CLIP2: variants seen among roughly 807,000 people sequenced by gnomAD.
CLIP2 encodes the protein CAP-Gly domain-containing linker protein 2.
CLIP2 carries 41 observed loss-of-function variants against 111.7 expected under a neutral mutation model. The observed-to-expected ratio is 0.37, with a 90% CI of 0.29 to 0.48. CLIP2 has a LOEUF of 0.48. Among genes scored for constraint, CLIP2 ranks in the 20% least tolerant of loss-of-function variants. CLIP2 has a pLI of 0.99. For missense variants in CLIP2, 1,160 were observed against 1,422.1 expected (o/e 0.82, Z 2.96); for synonymous variants, 660 against 644.2 (o/e 1.02, Z -0.37).
In CLIP2 at chr7:74,387,022, C is replaced by CAAA. The variant is rs35422612; in HGVS notation, c.2563+436_2563+438dup. 7.1e-5 allele frequency among the ~76,000 whole-genome samples: 5 copies of CAAA among 70,052 alleles called. No individual in the cohort carries two copies. The South Asian group carries it at 1.6e-3, about 23-fold the overall frequency. 46.0% of individuals were successfully genotyped at this position (70,052 alleles called of 152,430 possible). ...TGGGTGACAGAGCGAGACTCCATCTCAAAAAAAAAAAAAAAAAAAAGGGCC... is the reference window on the plus strand; with the variant it reads ...TGGGTGACAGAGCGAGACTCCATCTCAAAAAAAAAAAAAAAAAAAAAAAGGGCC... On this transcript the variant is annotated intron_variant, in intron 12 of 16. Transcript: ENST00000223398.
chr7:74,295,836 C>T (rs1554726012), intron 1 of CLIP2, among the ~76,000 whole-genome samples: 1 of 151,882 alleles, frequency 6.6e-6, no homozygotes, highest in East Asian at 1.9e-4. Flanking sequence ...CAGACTTCAT[C>T]TCTACAGAAA....
chr7:74,305,423 C>T (rs1237961431), intron 1 of CLIP2, among the ~76,000 whole-genome samples: 1 of 152,154 alleles, frequency 6.6e-6, no homozygotes, highest in African/African-American at 2.4e-5. Context: ...GAGTTCTCTG[C>T]TGCAGCCCCT....
intron 8 of CLIP2, 39 bp from the exon 9 acceptor site, chr7:74,372,893 G>A: frequency 1.2e-5 from 1 of 81,202 alleles, no homozygotes; most frequent in Non-Finnish European, 2.2e-5. Flanking sequence ...CTGCGTCCCC[G>A]CCCCCACCCC....
rs1323041556 is a variant in CLIP2, at chr7:74,349,471, T to C, written c.679-4409T>C. On this transcript the variant is annotated intron_variant, in intron 3 of 16. Transcript: ENST00000223398. Reference sequence around the variant, plus strand: ...AAGTATGTATGTGTGTGTGTGTGTGTATATATATATATATATATATATATA... The same window carrying C: ...AAGTATGTATGTGTGTGTGTGTGTGCATATATATATATATATATATATATA... 2.1e-3 allele frequency among the ~76,000 whole-genome samples: 80 copies of C among 37,316 alleles called. 4 individuals are homozygous for C. Among genetic ancestry groups the C allele is most frequent in the Non-Finnish European group, 2.4e-3 (50 of 21,228 alleles). The allele number at this position is 37,316 out of a possible 152,430, so 24.5% of individuals were successfully genotyped here. A position where few individuals can be genotyped will look rare whatever the true frequency, so the allele number is the denominator to read the frequency against.
In CLIP2 at chr7:74,400,477, C is replaced by T; in HGVS notation, c.2988C>T (p.Ala996=). 6.2e-7 allele frequency: 1 copy of T among 1,613,988 alleles called. No individual in the cohort carries two copies. The highest frequency in any genetic ancestry group is 1.1e-5 in the South Asian group (1 of 91,062). Residue 996 remains alanine, a synonymous_variant, in exon 15 of 17, where the codon GCC becomes GCT. Coordinates refer to ENST00000223398, the MANE Select transcript of CLIP2 (RefSeq NM_003388.5). The part of the protein sequence containing the change: ...LQHQLMSTED[A]LRDALDQAQQ... The stretch of plus-strand genomic sequence containing the variant: ...ACCAGCTGATGAGCACGGAGGACGC[C>T]CTGCGGGATGCGCTGGACCAGGCTC...
intron 2 of CLIP2, among the ~76,000 whole-genome samples, chr7:74,329,929 G>A (rs996645900): frequency 3.3e-5 from 5 of 151,864 alleles, no homozygotes; most frequent in East Asian, 3.9e-4. Context: ...ACAAGCGCGC[G>A]CCACCACACT....
intron 13 of CLIP2, among the ~76,000 whole-genome samples, chr7:74,396,504 C>G (rs139680807): frequency 2.0e-3 from 304 of 151,976 alleles, no homozygotes; most frequent in African/African-American, 6.8e-3. Flanking sequence ...AATATATTGT[C>G]TTTTCTTTAA....
At chr7:74,294,850 G>T (rs1788125952) in intron 1 of CLIP2, among the ~76,000 whole-genome samples, 1 of 152,204 alleles carries the variant, frequency 6.6e-6, no homozygotes, top group Non-Finnish European at 1.5e-5. Context: ...GGAGCTGTTG[G>T]CTGGGCAACG....
chr7:74,401,792 G>A, intron 16 of CLIP2: 3 of 659,782 alleles, frequency 4.5e-6, no homozygotes, highest in Non-Finnish European at 8.3e-6. Flanking sequence ...TAGGTTGGGC[G>A]CAGTGGCCCA....
intron 2 of CLIP2, among the ~76,000 whole-genome samples, chr7:74,328,988 C>T (rs1316261280): frequency 6.6e-6 from 1 of 150,936 alleles, no homozygotes; most frequent in Non-Finnish European, 1.5e-5. Context: ...TCTCAGCTCA[C>T]TGCAAGCTCC....
chr7:74,364,365 C>G, intron 8 of CLIP2, 50 bp downstream of exon 8: 1 of 1,536,818 alleles, frequency 6.5e-7, no homozygotes, highest in Non-Finnish European at 8.9e-7. Flanking sequence ...CGGTGCCTGG[C>G]CCTTGCTAGG....
intron 8 of CLIP2, among the ~76,000 whole-genome samples, chr7:74,366,769 C>A (rs938544946): frequency 3.3e-5 from 5 of 151,074 alleles, no homozygotes; most frequent in Admixed American, 2.0e-4. Context: ...CCAGCTACTC[C>A]GGAGGCTGAG....
At chr7:74,399,330 G>A (rs1409703805) in intron 14 of CLIP2, among the ~76,000 whole-genome samples, 1 of 152,062 alleles carries the variant, frequency 6.6e-6, no homozygotes, top group Non-Finnish European at 1.5e-5. Context: ...TTGAGGTCAG[G>A]AGTTCGAGAC....
chr7:74,290,555 C>T (rs1373425884), intron 1 of CLIP2, among the ~76,000 whole-genome samples: 4 of 152,200 alleles, frequency 2.6e-5, no homozygotes, highest in African/African-American at 9.6e-5. Flanking sequence ...AGAGGGAGCA[C>T]CTTGGGGGGA....
At chr7:74,295,989 CAAAAAAAAAAAA>C (rs368834820) in intron 1 of CLIP2, among the ~76,000 whole-genome samples, 1 of 70,984 alleles carries the variant, frequency 1.4e-5, no homozygotes, top group South Asian at 5.4e-4. Context: ...ACCCTGTCTC[CAAAAAAAAAAAA>C]AAAAAAAAGC....
At chr7:74,354,814 G>A (rs1790102804) in intron 4 of CLIP2, among the ~76,000 whole-genome samples, 1 of 152,026 alleles carries the variant, frequency 6.6e-6, no homozygotes. Flanking sequence ...AAAAGGTGAG[G>A]CAGCAGTCCC....
intron 6 of CLIP2, among the ~76,000 whole-genome samples, chr7:74,359,510 C>T (rs782737087): frequency 1.6e-4 from 24 of 151,880 alleles, no homozygotes; most frequent in African/African-American, 2.4e-4. Context: ...CCCACCACCA[C>T]GCCCAGCTAA....
At chr7:74,364,673 T>C (rs543703657) in intron 8 of CLIP2, 9 of 363,196 alleles carry the variant, frequency 2.5e-5, no homozygotes, top group Non-Finnish European at 5.4e-6. Flanking sequence ...AGGTAAAATT[T>C]TGGCTGAAAG....
Position 74,397,140 on chromosome 7 carries a change from C to T in CLIP2, c.2787C>T (p.Asp929=), listed in dbSNP as rs1554316794. 1 of 1,613,828 alleles carries T rather than the reference C, an allele frequency of 6.2e-7. No homozygotes were observed. The highest frequency in any genetic ancestry group is 2.2e-5 in the East Asian group (1 of 44,862). The change falls in exon 14 of 17, where the codon GAC becomes GAT. Residue 929 remains aspartate (D), a synonymous_variant. Coordinates refer to ENST00000223398, the MANE Select transcript of CLIP2 (RefSeq NM_003388.5). Reference sequence around the variant, plus strand: ...GTCACTCCCCAGGGCCGGAGAGGGACCTGAGCCGTGAGGTACACAAGGCTG... The same window carrying T: ...GTCACTCCCCAGGGCCGGAGAGGGATCTGAGCCGTGAGGTACACAAGGCTG... The part of the protein sequence containing the change: ...ANRHSPGPER[D]LSREVHKAEW...
Sources: allele counts gnomAD v4.1 joint callset (sites outside exome capture counted in the v4.1 genomes callset), GRCh38; gene constraint gnomAD v4.1.1; transcripts MANE v1.5; gene names NCBI Gene and HGNC (gene_info 2026-07-23, HGNC 2026-07-21).